Variants in NIPA2 observed in about 807,000 individuals in gnomAD.
NIPA2 encodes the protein NIPA magnesium transporter 2, also known as magnesium transporter NIPA2.
NIPA2 carries 11 observed loss-of-function variants against 29.7 expected under a neutral mutation model. The observed-to-expected ratio is 0.37, with a 90% CI of 0.23 to 0.61. The LOEUF (loss-of-function observed/expected upper bound fraction) is 0.61, where lower values mean the gene tolerates loss of function less well. Ranked by LOEUF, NIPA2 falls within the 20% of genes least tolerant of loss-of-function variation. The pLI, the probability that NIPA2 is intolerant of heterozygous loss-of-function variation, is 0.66. For missense variants in NIPA2, 426 were observed against 437.9 expected (o/e 0.97, Z 0.24); for synonymous variants, 183 against 161.9 (o/e 1.13, Z -0.99).
chr15:22,865,602 T>C (rs1274935189), intron 7 of NIPA2, among the ~76,000 whole-genome samples: 1 of 152,132 alleles, frequency 6.6e-6, no homozygotes, highest in Non-Finnish European at 1.5e-5. Context: ...GGTGGTAGTA[T>C]CCGTGATAAC....
chr15:22,859,596 A>G (rs995226967), intron 6 of NIPA2, among the ~76,000 whole-genome samples: 6 of 152,064 alleles, frequency 3.9e-5, no homozygotes, highest in African/African-American at 1.4e-4. Flanking sequence ...CCGGCCAATG[A>G]GTAGATTTGC....
At chr15:22,852,193 G>A (rs918763080) in intron 4 of NIPA2, among the ~76,000 whole-genome samples, 5 of 152,162 alleles carry the variant, frequency 3.3e-5, no homozygotes, top group Admixed American at 6.6e-5. Context: ...TAGGCTGGGC[G>A]TGGTGGCTCA....
rs748381511 is a variant in NIPA2, at chr15:22,860,726, C to G, written c.385C>G (p.His129Asp). The change falls in exon 7 of 8, where the codon CAT becomes GAT. Residue 129 changes from histidine (H) to aspartate (D), a missense_variant. This residue lies in a region of NIPA2 where 357 missense variants were observed against 339.8 expected (regional missense o/e 1.05). Coordinates refer to ENST00000337451, the MANE Select transcript of NIPA2 (RefSeq NM_030922.7). The stretch of plus-strand genomic sequence containing the variant: ...TCTAGGATCTACAGTTATGGTCATT[C>G]ATGCTCCAAAGGAAGAGGAGATTGA... ...SILGSTVMVI[H>D]APKEEEIETL... 4.4e-6 allele frequency: 7 copies of G among 1,604,642 alleles called. No homozygotes were observed. The Admixed American group carries it at 5.2e-5, about 12-fold the overall frequency.
chr15:22,863,727 T>TA (rs1355293226), intron 7 of NIPA2, among the ~76,000 whole-genome samples: 1 of 152,198 alleles, frequency 6.6e-6, no homozygotes, highest in East Asian at 1.9e-4. Context: ...CTAGTCCCCT[T>TA]AAGCTTAGGC....
At position 22,866,761 on chromosome 15, in the gene NIPA2, A is replaced by G; in HGVS notation, c.997A>G (p.Asn333Asp). The stretch of plus-strand genomic sequence containing the variant: ...CTCTAATATGTATGAAGTTCTTAAT[A>G]ATAATGAAGAAAGCTTAACCTGTGG... ...NLSNMYEVLN[N>D]NEESLTCGIE... The change falls in exon 8 of 8, where the codon AAT becomes GAT. Residue 333 changes from asparagine to aspartate, a missense_variant. By Grantham distance (23) the Asn-to-Asp change is conservative. This residue lies in a region of NIPA2 where 357 missense variants were observed against 339.8 expected (regional missense o/e 1.05). Coordinates refer to ENST00000337451, the MANE Select transcript of NIPA2 (RefSeq NM_030922.7). The G allele has an allele frequency of 6.2e-7, 1 of 1,613,144 alleles. No individual in the cohort carries two copies.
chr15:22,841,711 G>A (rs1265807365), intron 2 of NIPA2, among the ~76,000 whole-genome samples: 2 of 152,132 alleles, frequency 1.3e-5, no homozygotes, highest in Non-Finnish European at 2.9e-5. Context: ...GTTTCACCAT[G>A]TTGGTCAGGC....
In NIPA2 at chr15:22,862,898, C is replaced by CTTTTT. The variant is rs59317671; in HGVS notation, c.448+2125_448+2129dup. On this transcript the variant is annotated intron_variant, in intron 7 of 7. Transcript: ENST00000337451. ...TAGTTTCTTTCAGTTTGCCTTTATTCTTTTTTTTTTTTTTTTTTTTGGAGA... is the reference window on the plus strand; with the variant it reads ...TAGTTTCTTTCAGTTTGCCTTTATTCTTTTTTTTTTTTTTTTTTTTTTTTTGGAGA... Among the ~76,000 whole-genome samples, 15 of 110,250 alleles carry CTTTTT rather than the reference C, an allele frequency of 1.4e-4. 1 individual carries two copies. Among genetic ancestry groups the CTTTTT allele is most frequent in the African/African-American group, 4.7e-4 (13 of 27,842 alleles). The allele number at this position is 110,250 out of a possible 152,430, so 72.3% of individuals were successfully genotyped here.
chr15:22,866,934 A>G lies in NIPA2; in HGVS notation c.*87A>G. 2 of 1,267,738 alleles carry G rather than the reference A, an allele frequency of 1.6e-6. No homozygotes were observed. Among genetic ancestry groups the G allele is most frequent in the Non-Finnish European group, 2.2e-6 (2 of 923,996 alleles). 78.5% of individuals were successfully genotyped at this position (1,267,738 alleles called of 1,614,324 possible). On this transcript the variant is annotated 3_prime_UTR_variant, in exon 8 of 8. Transcript: ENST00000337451. Reference sequence around the variant, plus strand: ...TGTGTCTGAAAAAACATTGTCCTCAAATAATGTTCTTTAAAGGCAATCTTT... The same window carrying G: ...TGTGTCTGAAAAAACATTGTCCTCAGATAATGTTCTTTAAAGGCAATCTTT...
chr15:22,866,436 C>T lies in NIPA2; in HGVS notation c.672C>T (p.Ser224=). ...CCCTGGCTTGGATTCTGCTGCTGAG[C>T]CTCATCGTCTGTGTGAGCACACAGA... The part of the protein sequence containing the change: ...RHPLAWILLL[S]LIVCVSTQIN... The change falls in exon 8 of 8, where the codon AGC becomes AGT. Residue 224 remains serine (S), a synonymous_variant. Coordinates refer to ENST00000337451, the MANE Select transcript of NIPA2 (RefSeq NM_030922.7). The T allele has an allele frequency of 6.2e-7, 1 of 1,614,100 alleles. No individual in the cohort carries two copies. The highest frequency in any genetic ancestry group is 8.5e-7 in the Non-Finnish European group (1 of 1,180,002).
At chr15:22,839,123 A>G (rs115586065) in intron 1 of NIPA2, 4 of 152,100 alleles carry the variant, frequency 2.6e-5, no homozygotes, top group Non-Finnish European at 5.9e-5. Context: ...CTCGTTGGCC[A>G]TGTCGGGGAC....
chr15:22,851,718 A>G lies in NIPA2; in HGVS notation c.-14A>G. Reference sequence around the variant, plus strand: ...TCAATGTGATTCACAGGAACTCCTTAAGTAACAAACGAAATGAGCCAGGGG... The same window carrying G: ...TCAATGTGATTCACAGGAACTCCTTGAGTAACAAACGAAATGAGCCAGGGG... On this transcript the variant is annotated 5_prime_UTR_variant, in exon 4 of 8. Transcript: ENST00000337451. The G allele has an allele frequency of 1.2e-6, 2 of 1,603,770 alleles. No homozygotes were observed. Among genetic ancestry groups the G allele is most frequent in the Non-Finnish European group, 1.7e-6 (2 of 1,176,626 alleles).
intron 2 of NIPA2, among the ~76,000 whole-genome samples, chr15:22,840,534 A>G (rs935657803): frequency 4.6e-5 from 7 of 151,380 alleles, no homozygotes; most frequent in Non-Finnish European, 8.8e-5. Flanking sequence ...TCCTGACCTC[A>G]GGTGATCCGC....
chr15:22,842,721 CAG>C (rs1251881564), intron 2 of NIPA2, among the ~76,000 whole-genome samples: 2 of 152,050 alleles, frequency 1.3e-5, no homozygotes, highest in African/African-American at 4.8e-5. Context: ...CCCAGATACT[CAG>C]GAGGCTGAGG....
chr15:22,863,942 C>T (rs1277534127), intron 7 of NIPA2, among the ~76,000 whole-genome samples: 3 of 151,902 alleles, frequency 2.0e-5, no homozygotes, highest in African/African-American at 2.4e-5. Context: ...GTAGATCCAT[C>T]GTTTGTAGGT....
In NIPA2 at chr15:22,851,869, A is replaced by C. The variant is rs1187519253; in HGVS notation, c.138A>C (p.Ala46=). The change falls in exon 4 of 8, where the codon GCA becomes GCC. Residue 46 remains alanine (A), a splice_region_variant and synonymous_variant. Transcript: ENST00000337451. ...LRLARKGSMR[A]GQGGHAYLKE... is the part of the protein sequence containing the mutation. ...TTGCCAGGAAAGGCTCTATGAGAGC[A>C]GGTAGGTTATGCCTTATGTGACTTT... 1 of 1,612,836 alleles carries C rather than the reference A, an allele frequency of 6.2e-7. No homozygotes were observed. Among genetic ancestry groups the C allele is most frequent in the Non-Finnish European group, 8.5e-7 (1 of 1,179,574 alleles).
chr15:22,849,945 G>A (rs1220327072), intron 3 of NIPA2, among the ~76,000 whole-genome samples: 3 of 152,078 alleles, frequency 2.0e-5, no homozygotes, highest in Admixed American at 6.6e-5. Flanking sequence ...TGGCATCCTT[G>A]TACCTTTTGA....
chr15:22,860,601 T>G, intron 6 of NIPA2, 28 bp from the exon 7 acceptor site: 1 of 1,465,620 alleles, frequency 6.8e-7, no homozygotes, highest in Non-Finnish European at 9.2e-7. Context: ...TGATTAAAGT[T>G]CTCAATTTTT....
At chr15:22,847,415 A>G (rs1437492207) in intron 3 of NIPA2, among the ~76,000 whole-genome samples, 2 of 152,194 alleles carry the variant, frequency 1.3e-5, no homozygotes, top group Non-Finnish European at 2.9e-5. Context: ...AACTTGCATG[A>G]TAATTAAGAA....
At chr15:22,854,821 C>T (rs2058062882) in intron 5 of NIPA2, among the ~76,000 whole-genome samples, 1 of 152,048 alleles carries the variant, frequency 6.6e-6, no homozygotes, top group African/African-American at 2.4e-5. Flanking sequence ...TGTTATTCAC[C>T]AGGTATTCAA....
Sources: gnomAD v4.1 joint callset for allele counts (sites outside exome capture counted in the v4.1 genomes callset) on GRCh38, gnomAD v4.1.1 for gene constraint, gnomAD v4.1.1 regional missense constraint, MANE v1.5 for transcripts, NCBI Gene and HGNC (gene_info 2026-07-23, HGNC 2026-07-21) for gene names.